CCDC150: variants seen among roughly 807,000 people sequenced by gnomAD.
The protein encoded by CCDC150 is coiled-coil domain-containing protein 150.
CCDC150 carries 151 observed loss-of-function variants against 156.5 expected under a neutral mutation model. That is an observed-to-expected ratio of 0.97 (90% confidence interval 0.85 to 1.10). CCDC150 has a LOEUF of 1.10. CCDC150 is among the 50% of genes least tolerant of loss of function. CCDC150 has a pLI of 0.00. For synonymous variants in CCDC150, 452 were observed against 429.4 expected (o/e 1.05, Z -0.65); for missense variants, 1,312 against 1,268.1 (o/e 1.03, Z -0.53).
intron 1 of CCDC150, 58 bp downstream of exon 1, chr2:196,639,836 C>T: frequency 6.6e-7 from 1 of 1,513,008 alleles, no homozygotes; most frequent in Non-Finnish European, 9.0e-7. Context: ...GAGGCTTCGG[C>T]TCAGATAAGG....
At chr2:196,639,848 C>T in intron 1 of CCDC150, 70 bp downstream of exon 1, 2 of 1,371,844 alleles carry the variant, frequency 1.5e-6, no homozygotes, top group Non-Finnish European at 9.9e-7. Flanking sequence ...CAGATAAGGA[C>T]AGTCACCACT....
chr2:196,716,936 C>T (rs1183226617), intron 17 of CCDC150, among the ~76,000 whole-genome samples: 1 of 146,620 alleles, frequency 6.8e-6, no homozygotes, highest in Non-Finnish European at 1.5e-5. Flanking sequence ...GCTTGGCTCA[C>T]TGCAACCTCT....
At chr2:196,710,583 C>A (rs985255140) in intron 15 of CCDC150, among the ~76,000 whole-genome samples, 9 of 152,166 alleles carry the variant, frequency 5.9e-5, no homozygotes, top group African/African-American at 2.2e-4. Context: ...TCTTCTGTGT[C>A]GGGCACGCTG....
chr2:196,725,191 TCTC>T (rs756368814), intron 21 of CCDC150, among the ~76,000 whole-genome samples: 2 of 152,152 alleles, frequency 1.3e-5, no homozygotes, highest in African/African-American at 4.8e-5. Flanking sequence ...AGGGCAGGCT[TCTC>T]CTATCCTTTG....
rs2125556483 is a variant in CCDC150 at position 196,639,722 on chromosome 2, C to T, written c.-45C>T. 3 of 1,514,538 alleles carry T rather than the reference C, an allele frequency of 2.0e-6. No individual in the cohort carries two copies. The highest frequency in any genetic ancestry group is 2.7e-6 in the Non-Finnish European group (3 of 1,122,628). The allele number at this position is 1,514,538 out of a possible 1,614,324, so 93.8% of individuals were successfully genotyped here. On this transcript the variant is annotated 5_prime_UTR_variant, in exon 1 of 28. It adds an upstream start codon to the 5' untranslated region. Transcript: ENST00000389175. ...GGTTTAAAATGCTGTGTTAGTTCCA[C>T]GGAAACCCGCTCGCCTGCTGCAGTA...
Position 196,652,701 on chromosome 2 carries a change from G to T in CCDC150, c.177-3932G>T, listed in dbSNP as rs1190786750. 4.6e-5 allele frequency among the ~76,000 whole-genome samples: 7 copies of T among 152,246 alleles called. No individual in the cohort carries two copies. The East Asian group carries it at 1.3e-3, about 29-fold the overall frequency. On this transcript the variant is annotated intron_variant, in intron 2 of 27. Transcript: ENST00000389175. The stretch of plus-strand genomic sequence containing the variant: ...AGCAGTGCCTCCAGGTGGACTGTTT[G>T]TGGGGACTCCAGTCCCACATTTCCC...
chr2:196,665,465 TG>T (rs1693785678), intron 5 of CCDC150, 101 bp from the exon 6 acceptor site: 4 of 586,460 alleles, frequency 6.8e-6, no homozygotes, highest in Non-Finnish European at 8.9e-6. Flanking sequence ...TAAGACTGTT[TG>T]GGGGTGAGAT....
chr2:196,669,409 C>G (rs1410622570), intron 7 of CCDC150, among the ~76,000 whole-genome samples: 1 of 152,190 alleles, frequency 6.6e-6, no homozygotes, highest in Non-Finnish European at 1.5e-5. Flanking sequence ...AAAGTGCTCT[C>G]TGTTTACTGT....
chr2:196,713,707 T>C, intron 17 of CCDC150: 1 of 1,385,564 alleles, frequency 7.2e-7, no homozygotes, highest in Non-Finnish European at 9.4e-7. Flanking sequence ...ACAAATTAAA[T>C]CTTAAGGAAG....
intron 7 of CCDC150, 146 bp downstream of exon 7, chr2:196,666,994 T>C (rs1269568538): frequency 2.6e-6 from 2 of 758,408 alleles, no homozygotes; most frequent in East Asian, 2.5e-5. Context: ...ATTTCCCTTC[T>C]ACCTGCAGTA....
intron 21 of CCDC150, among the ~76,000 whole-genome samples, chr2:196,723,411 G>A (rs1047344242): frequency 6.6e-6 from 1 of 152,232 alleles, no homozygotes; most frequent in Non-Finnish European, 1.5e-5. Flanking sequence ...CAGGAGAATC[G>A]CTTGAACCTG....
chr2:196,640,612 A>G (rs910474083), intron 1 of CCDC150, among the ~76,000 whole-genome samples: 2 of 152,236 alleles, frequency 1.3e-5, no homozygotes, highest in Admixed American at 6.5e-5. Context: ...TTCTTCCTTA[A>G]TAAGTTTGCA....
At chr2:196,671,950 T>C (rs1306292022) in intron 8 of CCDC150, among the ~76,000 whole-genome samples, 1 of 152,154 alleles carries the variant, frequency 6.6e-6, no homozygotes, top group Non-Finnish European at 1.5e-5. Flanking sequence ...GGTAAGAATA[T>C]GTTTAGTTTT....
intron 4 of CCDC150, among the ~76,000 whole-genome samples, chr2:196,658,237 G>C (rs1693338648): frequency 6.6e-6 from 1 of 151,934 alleles, no homozygotes; most frequent in Non-Finnish European, 1.5e-5. Context: ...CATTTTGAAA[G>C]GAAAGAGGAA....
Position 196,730,884 on chromosome 2 carries a change from T to C in CCDC150, c.3008T>C (p.Leu1003Pro). The change falls in exon 26 of 28, where the codon CTG becomes CCG. Residue 1003 changes from leucine (L) to proline (P), a missense_variant. By Grantham distance (98) the Leu-to-Pro change is moderately conservative. Coordinates refer to ENST00000389175, the MANE Select transcript of CCDC150 (RefSeq NM_001080539.2). ...GAATTGGAAGAAACTGTCAGACACC[T>C]GAAGAAATGTAAAGAGGCAACAGAG... ...CQELEETVRH[L>P]KKCKEATENT... The C allele has an allele frequency of 6.3e-7, 1 of 1,599,344 alleles. No homozygotes were observed.
chr2:196,661,587 A>G (rs1693560647), intron 5 of CCDC150, among the ~76,000 whole-genome samples: 1 of 152,234 alleles, frequency 6.6e-6, no homozygotes, highest in Non-Finnish European at 1.5e-5. Context: ...GGGCTTCAAC[A>G]TAAGAATTTT....
chr2:196,695,203 G>T, intron 14 of CCDC150, 44 bp downstream of exon 14: 1 of 1,039,042 alleles, frequency 9.6e-7, no homozygotes, highest in South Asian at 1.4e-5. Context: ...AATGACTAAT[G>T]AGTTCAGAAA....
intron 20 of CCDC150, 79 bp from the exon 21 acceptor site, chr2:196,721,443 G>C (rs1697903121): frequency 9.3e-7 from 1 of 1,079,028 alleles, no homozygotes; most frequent in Admixed American, 3.6e-5. Flanking sequence ...GATAGAATGT[G>C]AGGAGTGATT....
chr2:196,677,394 A>T lies in CCDC150; in HGVS notation c.1509+33A>T, dbSNP rs753100991. 15 of 1,363,282 alleles carry T rather than the reference A, an allele frequency of 1.1e-5. No homozygotes were observed. The East Asian group carries it at 1.7e-4, about 16-fold the overall frequency. The allele number at this position is 1,363,282 out of a possible 1,614,324, so 84.4% of individuals were successfully genotyped here. On this transcript the variant is annotated intron_variant, in intron 13 of 27. Transcript: ENST00000389175. ...TCATTTTACTTACTGATATTTCACT[A>T]TATTTCCTTCTGTATTGCTGACTAC...
Sources: allele counts gnomAD v4.1 joint callset (sites outside exome capture counted in the v4.1 genomes callset), GRCh38; gene constraint gnomAD v4.1.1; transcripts MANE v1.5; gene names NCBI Gene and HGNC (gene_info 2026-07-23, HGNC 2026-07-21).